The following KALRN variants were observed in gnomAD, a reference collection of about 807,000 sequenced individuals.
KALRN encodes the protein kalirin RhoGEF kinase, also known as kalirin.
KALRN carries 70 observed loss-of-function variants against 353.7 expected under a neutral mutation model. That is an observed-to-expected ratio of 0.20 (90% CI 0.16 to 0.24). The LOEUF (loss-of-function observed/expected upper bound fraction) is 0.24, where lower values mean the gene tolerates loss of function less well. Among genes scored for constraint, KALRN ranks in the 10% least tolerant of loss-of-function variants. The probability of loss-of-function intolerance (pLI) is 1.00; values close to 1 mark genes in which losing one functional copy is unlikely to be tolerated. For missense variants in KALRN, 2,791 were observed against 3,756.7 expected, an observed-to-expected ratio of 0.74 and a Z score of 6.72; for synonymous variants, 1,391 against 1,434.8, an observed-to-expected ratio of 0.97 and a Z score of 0.69.
At chr3:124,108,539 C>G (rs2062538892) in intron 1 of KALRN, among the ~76,000 whole-genome samples, 1 of 152,140 alleles carries the variant, frequency 6.6e-6, no homozygotes, top group South Asian at 2.1e-4. Context: ...GTCATGTGAC[C>G]TGCTTTGGCC....
At chr3:124,552,721 A>G (rs892361462) in intron 33 of KALRN, among the ~76,000 whole-genome samples, 1 of 152,174 alleles carries the variant, frequency 6.6e-6, no homozygotes, top group African/African-American at 2.4e-5. Context: ...CTGCCAGATT[A>G]TCTCAAGATA....
intron 47 of KALRN, among the ~76,000 whole-genome samples, chr3:124,670,917 C>A (rs1393797718): frequency 6.6e-6 from 1 of 152,202 alleles, no homozygotes; most frequent in Non-Finnish European, 1.5e-5. Flanking sequence ...ATCCTCGATT[C>A]TTGCATTGCT....
In KALRN at chr3:124,384,791, G is replaced by A; in HGVS notation, c.1771-54G>A. On this transcript the variant is annotated intron_variant, in intron 10 of 59. Transcript: ENST00000682506. ...TCAGCTCCGGGGAGCCCCAGGGTGG[G>A]CTGCTGGAAGGCGCGACTGCAACTT... 1.3e-6 allele frequency: 2 copies of A among 1,509,756 alleles called. 1 individual carries two copies. Among genetic ancestry groups the A allele is most frequent in the Non-Finnish European group, 1.8e-6 (2 of 1,113,898 alleles). The allele number at this position is 1,509,756 out of a possible 1,614,324, so 93.5% of individuals were successfully genotyped here.
At chr3:124,350,760 AAG>A (rs1038459539) in intron 10 of KALRN, among the ~76,000 whole-genome samples, 4 of 152,274 alleles carry the variant, frequency 2.6e-5, no homozygotes, top group African/African-American at 9.6e-5. Flanking sequence ...TTTTTTTTGA[AAG>A]AGAAGACAGA....
At chr3:124,665,051 G>A (rs1437442800) in intron 45 of KALRN, among the ~76,000 whole-genome samples, 1 of 152,212 alleles carries the variant, frequency 6.6e-6, no homozygotes, top group Non-Finnish European at 1.5e-5. Context: ...GCAGTAAGGA[G>A]CCATGATCCA....
At chr3:124,550,930 A>T (rs768790491) in intron 33 of KALRN, among the ~76,000 whole-genome samples, 15 of 152,274 alleles carry the variant, frequency 9.9e-5, no homozygotes, top group Admixed American at 7.8e-4. Flanking sequence ...TGGAGCTTGC[A>T]GTGAGCCGAG....
chr3:124,102,195 T>C (rs2061925808), intron 1 of KALRN, among the ~76,000 whole-genome samples: 1 of 152,182 alleles, frequency 6.6e-6, no homozygotes, highest in Admixed American at 6.5e-5. Context: ...TTAATTGGCT[T>C]TTGGCACAAG....
rs2063769271 is a variant in KALRN at position 124,495,996 on chromosome 3, TATATATATATATATATACAC to T, written c.4833-313_4833-294del. 1.0e-4 allele frequency among the ~76,000 whole-genome samples: 6 copies of T among 57,414 alleles called. 1 individual carries two copies. The highest frequency in any genetic ancestry group is 7.6e-4 in the East Asian group (1 of 1,314). 37.7% of individuals were successfully genotyped at this position (57,414 alleles called of 152,430 possible). A position where few individuals can be genotyped will look rare whatever the true frequency, so the allele number is the denominator to read the frequency against. ...ATATATATATATATATATATATATA[TATATATATATATATATACAC>T]ACACATATATACATACATACACCCC... On this transcript the variant is annotated intron_variant, in intron 32 of 59. Coordinates refer to ENST00000682506, the MANE Select transcript of KALRN (RefSeq NM_001388419.1).
At chr3:124,689,220 T>G (rs2061699257) in intron 51 of KALRN, among the ~76,000 whole-genome samples, 2 of 152,188 alleles carry the variant, frequency 1.3e-5, no homozygotes, top group South Asian at 4.1e-4. Flanking sequence ...TTTTTTTATT[T>G]TTTTGAAACA....
intron 1 of KALRN, among the ~76,000 whole-genome samples, chr3:124,215,396 G>A (rs1439052658): frequency 1.3e-5 from 2 of 152,132 alleles, no homozygotes; most frequent in Non-Finnish European, 1.5e-5. Context: ...TTTAGCTGCC[G>A]TTTTCTGAGT....
intron 2 of KALRN, among the ~76,000 whole-genome samples, chr3:124,234,204 G>T (rs994114009): frequency 1.3e-5 from 2 of 152,202 alleles, no homozygotes; most frequent in African/African-American, 4.8e-5. Flanking sequence ...TTTCTGATAA[G>T]ATTCATGTGC....
chr3:124,230,194 C>T (rs1244995742), intron 2 of KALRN, among the ~76,000 whole-genome samples: 2 of 152,156 alleles, frequency 1.3e-5, no homozygotes, highest in African/African-American at 4.8e-5. Context: ...TTTTATGGTC[C>T]TTAGTTAACC....
intron 1 of KALRN, among the ~76,000 whole-genome samples, chr3:124,059,312 G>T (rs963218959): frequency 6.6e-6 from 1 of 151,904 alleles, no homozygotes; most frequent in Non-Finnish European, 1.5e-5. Flanking sequence ...TGTATTTATG[G>T]TATACAACAT....
chr3:124,191,157 G>A (rs2074861014), intron 1 of KALRN, among the ~76,000 whole-genome samples: 1 of 152,230 alleles, frequency 6.6e-6, no homozygotes, highest in African/African-American at 2.4e-5. Context: ...ATTTCTGGGT[G>A]TGCCACCCTT....
At chr3:124,625,136 T>C (rs1485862857) in intron 34 of KALRN, among the ~76,000 whole-genome samples, 2 of 152,190 alleles carry the variant, frequency 1.3e-5, no homozygotes, top group Non-Finnish European at 2.9e-5. Flanking sequence ...ATTAACTTCT[T>C]AATCCTAGGA....
intron 33 of KALRN, among the ~76,000 whole-genome samples, chr3:124,537,889 T>A (rs147329543): frequency 8.9e-4 from 135 of 152,276 alleles, no homozygotes; most frequent in African/African-American, 3.1e-3. Context: ...GTTTTCTCAG[T>A]AAGTAGTGAG....
At chr3:124,651,129 AGG>A (rs1308440741) in intron 38 of KALRN, among the ~76,000 whole-genome samples, 191 bp downstream of exon 38, 1 of 152,268 alleles carries the variant, frequency 6.6e-6, no homozygotes, top group Non-Finnish European at 1.5e-5. Flanking sequence ...ATTGAAGTTT[AGG>A]CTAAAGTATA....
chr3:124,265,571 G>A (rs902837611), intron 4 of KALRN, among the ~76,000 whole-genome samples: 2 of 151,616 alleles, frequency 1.3e-5, no homozygotes, highest in Non-Finnish European at 2.9e-5. Flanking sequence ...GGGATTACAG[G>A]CATGAGCCAC....
intron 27 of KALRN, 135 bp from the exon 28 acceptor site, chr3:124,482,673 A>G: frequency 1.6e-6 from 1 of 636,888 alleles, no homozygotes; most frequent in Non-Finnish European, 2.9e-6. Flanking sequence ...TCTCCCTATG[A>G]AAGAACATGT....
Sources: gnomAD v4.1 joint callset for allele counts (sites outside exome capture counted in the v4.1 genomes callset) on GRCh38, gnomAD v4.1.1 for gene constraint, MANE v1.5 for transcripts, NCBI Gene and HGNC (gene_info 2026-07-23, HGNC 2026-07-21) for gene names.